ZNF75A: variants seen among roughly 807,000 people sequenced by gnomAD.
ZNF75A encodes zinc finger protein 75A.
In ZNF75A, 36 loss-of-function variants were observed where a neutral mutation model predicts 46.3. The observed-to-expected ratio is 0.78, with a 90% confidence interval of 0.60 to 1.03. ZNF75A has a LOEUF of 1.03. Among genes scored for constraint, ZNF75A ranks in the 50% least tolerant of loss-of-function variants. ZNF75A has a pLI of 0.00. For missense variants in ZNF75A, 595 were observed against 551.3 expected (o/e 1.08, Z -0.79); for synonymous variants, 234 against 189.9 (o/e 1.23, Z -1.91).
At position 3,318,578 on chromosome 16, in the gene ZNF75A, C is replaced by T. The variant is rs1444327318; in HGVS notation, c.*709C>T. 1.2e-5 allele frequency: 12 copies of T among 985,296 alleles called. No individual in the cohort carries two copies. The highest frequency in any genetic ancestry group is 1.3e-5 in the Non-Finnish European group (11 of 829,940). 61.0% of individuals were successfully genotyped at this position (985,296 alleles called of 1,614,324 possible). On this transcript the variant is annotated 3_prime_UTR_variant, in exon 7 of 7. Transcript: ENST00000669516. ...AATAAAAGAAACTAGACTTGTTAAT[C>T]CCTGCCTTGCAATGTCAGTAGGATA...
chr16:3,307,228 G>C (rs1960348767), intron 1 of ZNF75A: 1 of 152,176 alleles, frequency 6.6e-6, no homozygotes, highest in Admixed American at 6.5e-5. Context: ...TGGGATTACA[G>C]GCATGAGCCA....
rs559478171 is a variant in ZNF75A at position 3,317,990 on chromosome 16, C to G, written c.*121C>G. 3 of 1,435,722 alleles carry G rather than the reference C, an allele frequency of 2.1e-6. No homozygotes were observed. The highest frequency in any genetic ancestry group is 3.0e-5 in the Admixed American group (1 of 33,818). The allele number at this position is 1,435,722 out of a possible 1,614,324, so 88.9% of individuals were successfully genotyped here. On this transcript the variant is annotated 3_prime_UTR_variant, in exon 7 of 7. Transcript: ENST00000669516. ...ATTTTACATCAGAAAATGGGATAAA[C>G]ATACATTTCACAGAAAATAATCAAG...
At chr16:3,309,082 G>A (rs1271264508) in intron 2 of ZNF75A, 2 of 154,930 alleles carry the variant, frequency 1.3e-5, no homozygotes, top group African/African-American at 4.8e-5. Context: ...TGGAGCCAGG[G>A]TGAATTGAGG....
rs1008540648 is a variant in ZNF75A at position 3,311,796 on chromosome 16, A to C, written c.452A>C (p.Glu151Ala). The stretch of plus-strand genomic sequence containing the variant: ...GGAAAGGAGGCAGTGCTCTTGGGAG[A>C]AACAGCAGAGGCCTCAAGTTTCGGG... ...ELGKEAVLLG[E>A]TAEASSFGLK... Residue 151 changes from glutamate (E) to alanine (A), a missense_variant, in exon 3 of 7, where the codon GAA (glutamate) becomes GCA (alanine). Coordinates refer to ENST00000669516, the MANE Select transcript of ZNF75A (RefSeq NM_001302109.2). The C allele has an allele frequency of 1.9e-6, 2 of 1,050,274 alleles. No homozygotes were observed. The highest frequency in any genetic ancestry group is 3.4e-5 in the African/African-American group (2 of 59,104). 65.1% of individuals were successfully genotyped at this position (1,050,274 alleles called of 1,614,324 possible).
At chr16:3,308,909 G>A in intron 2 of ZNF75A, 73 bp downstream of exon 2, 1 of 932,714 alleles carries the variant, frequency 1.1e-6, no homozygotes, top group African/African-American at 1.8e-5. Context: ...GTGGCAGTTA[G>A]TTGAGAAATT....
Position 3,317,288 on chromosome 16 carries a change from G to A in ZNF75A, c.1033G>A (p.Val345Ile). ...AGGCGTCATATCAAAAAAGGCCAAAGTAAAAGTTCCCCAGAAAACAGCAGG... is the reference window on the plus strand; with the variant it reads ...AGGCGTCATATCAAAAAAGGCCAAAATAAAAGTTCCCCAGAAAACAGCAGG... The part of the protein sequence containing the change: ...SAGVISKKAK[V>I]KVPQKTAGKE... Residue 345 changes from valine (V) to isoleucine (I), a missense_variant, in exon 7 of 7, where the codon GTA becomes ATA. Transcript: ENST00000669516. 1.9e-6 allele frequency: 3 copies of A among 1,613,970 alleles called. No homozygotes were observed. The highest frequency in any genetic ancestry group is 2.5e-6 in the Non-Finnish European group (3 of 1,180,012).
intron 2 of ZNF75A, chr16:3,310,845 G>A: frequency 2.0e-6 from 2 of 985,520 alleles, no homozygotes; most frequent in Non-Finnish European, 2.4e-6. Context: ...CAAGTTGGGA[G>A]CCAGGGTATG....
downstream of ZNF75A, among the ~76,000 whole-genome samples, chr16:3,322,432 A>T (rs1006711409): frequency 6.6e-6 from 1 of 152,212 alleles, no homozygotes. Flanking sequence ...TCTTCAGTCG[A>T]GCGTCTGTAA....
chr16:3,305,982 A>G (rs960607559), intron 1 of ZNF75A: 1 of 152,170 alleles, frequency 6.6e-6, no homozygotes, highest in African/African-American at 2.4e-5. Context: ...CTCCGCCGGC[A>G]TTTCCGTGTC....
intron 2 of ZNF75A, among the ~76,000 whole-genome samples, chr16:3,311,344 A>G (rs1275263641): frequency 6.6e-6 from 1 of 151,920 alleles, no homozygotes; most frequent in African/African-American, 2.4e-5. Flanking sequence ...AGGCTGAGGC[A>G]GGAGAATCAC....
intron 5 of ZNF75A, chr16:3,316,303 TGA>T (rs1015327809): frequency 6.6e-6 from 1 of 152,218 alleles, no homozygotes; most frequent in Non-Finnish European, 1.5e-5. Flanking sequence ...AATGAATGAG[TGA>T]GAGAGTTTCA....
intron 1 of ZNF75A, chr16:3,306,896 C>T (rs531471206): frequency 6.6e-6 from 1 of 151,854 alleles, no homozygotes; most frequent in Non-Finnish European, 1.5e-5. Context: ...CAACTGCCAT[C>T]CAAAAAATAT....
chr16:3,312,786 G>A lies in ZNF75A; in HGVS notation c.696+18G>A, dbSNP rs187047066. 1.3e-5 allele frequency: 14 copies of A among 1,106,724 alleles called. No individual in the cohort carries two copies. Among genetic ancestry groups the A allele is most frequent in the Middle Eastern group, 3.9e-4 (1 of 2,552 alleles). 68.6% of individuals were successfully genotyped at this position (1,106,724 alleles called of 1,614,324 possible). On this transcript the variant is annotated intron_variant, in intron 4 of 6. Transcript: ENST00000669516. ...AGTCCCAGGTGAGCTGTGCTTTCCA[G>A]CTGTTGAGGGCTACCTTTCTCTGCT...
downstream of ZNF75A, among the ~76,000 whole-genome samples, chr16:3,319,783 A>ATTTTT (rs55767869): frequency 9.0e-5 from 12 of 133,290 alleles, no homozygotes; most frequent in Non-Finnish European, 1.1e-4. Context: ...GAAGCTTTTC[A>ATTTTT]TTTTTTTTTT....
intron 3 of ZNF75A, 91 bp downstream of exon 3, chr16:3,312,039 C>A: frequency 1.5e-6 from 1 of 669,914 alleles, no homozygotes; most frequent in South Asian, 6.7e-5. Context: ...GAATACCCTG[C>A]TCTGTGGATT....
chr16:3,314,611 G>A (rs1253228794), intron 5 of ZNF75A: 8 of 960,036 alleles, frequency 8.3e-6, no homozygotes, highest in Non-Finnish European at 9.9e-6. Flanking sequence ...CTTCGCCCCC[G>A]TGGGCCCCCG....
At chr16:3,319,016 A>G (rs1017398123), downstream of ZNF75A, among the ~76,000 whole-genome samples, 9 of 152,192 alleles carry the variant, frequency 5.9e-5, no homozygotes, top group African/African-American at 1.9e-4. Flanking sequence ...TTTTCTTACA[A>G]CTTGCTTGTT....
chr16:3,313,292 G>T lies in ZNF75A; in HGVS notation c.823+117G>T. The T allele has an allele frequency of 2.9e-6, 3 of 1,033,090 alleles. No homozygotes were observed. The South Asian group carries it at 4.8e-5, about 16-fold the overall frequency. The allele number at this position is 1,033,090 out of a possible 1,614,324, so 64.0% of individuals were successfully genotyped here. ...GAGCTGGTTGATTCTCATCTAGATG[G>T]TATAGGGGAGGGTGTAGGTAGTGTA... On this transcript the variant is annotated intron_variant, in intron 5 of 6. Coordinates refer to ENST00000669516, the MANE Select transcript of ZNF75A (RefSeq NM_001302109.2).
At chr16:3,313,593 G>A (rs1465276395) in intron 5 of ZNF75A, among the ~76,000 whole-genome samples, 1 of 152,150 alleles carries the variant, frequency 6.6e-6, no homozygotes, top group Non-Finnish European at 1.5e-5. Context: ...TCATCTTCTT[G>A]CACTGTTAGC....
Sources: gnomAD v4.1 joint callset for allele counts (sites outside exome capture counted in the v4.1 genomes callset) on GRCh38, gnomAD v4.1.1 for gene constraint, MANE v1.5 for transcripts, NCBI Gene and HGNC (gene_info 2026-07-23, HGNC 2026-07-21) for gene names.